The following RBFOX1 variants were observed in gnomAD, a reference collection of about 807,000 sequenced individuals.
RBFOX1 encodes RNA binding protein fox-1 homolog 1.
A neutral mutation model predicts 57.7 loss-of-function variants in RBFOX1; 8 were observed. That is an observed-to-expected ratio of 0.14 (90% CI 0.08 to 0.25). The LOEUF (loss-of-function observed/expected upper bound fraction) is 0.25, where lower values mean the gene tolerates loss of function less well. RBFOX1 is among the 10% of genes least tolerant of loss of function. RBFOX1 has a pLI of 1.00. For synonymous variants in RBFOX1, 326 were observed against 222.4 expected (o/e 1.47, Z -4.15); for missense variants, 611 against 548.5 (o/e 1.11, Z -1.14).
In RBFOX1 at chr16:6,882,365, T is replaced by C. The variant is rs568534279; in HGVS notation, c.-15-169692T>C. Among the ~76,000 whole-genome samples the C allele has an allele frequency of 6.6e-5, 10 of 152,188 alleles. No individual in the cohort carries two copies. In the East Asian group the frequency reaches 1.2e-3, roughly 18 times the overall value. The stretch of plus-strand genomic sequence containing the variant: ...AGCAGTGAGCAGTATAATTACAGTT[T>C]AGTCACCTAACCTCTCTGATTCTCT... On this transcript the variant is annotated intron_variant, in intron 3 of 15. Transcript: ENST00000550418.
rs1255858051 is a variant in RBFOX1 at position 5,621,379 on chromosome 16, A to T, written c.318+22418A>T. 3.3e-5 allele frequency among the ~76,000 whole-genome samples: 5 copies of T among 152,278 alleles called. No individual in the cohort carries two copies. In the East Asian group the frequency reaches 7.7e-4, roughly 24 times the overall value. ...CTGGGGGTCATGATTTCCACAAGTGAATTTTGGATGCACCCAGTGTAGGCC... is the reference window on the plus strand; with the variant it reads ...CTGGGGGTCATGATTTCCACAAGTGTATTTTGGATGCACCCAGTGTAGGCC... On this transcript the variant is annotated intron_variant, in intron 3 of 19. Coordinates refer to the RBFOX1 transcript ENST00000641259.
chr16:6,616,415 G>C (rs956350479), intron 2 of RBFOX1, among the ~76,000 whole-genome samples: 1 of 151,048 alleles, frequency 6.6e-6, no homozygotes, highest in Non-Finnish European at 1.5e-5. Flanking sequence ...GATGGCTCAC[G>C]CCTGTAATCC....
At chr16:5,502,631 C>T (rs1408117863) in intron 2 of RBFOX1, among the ~76,000 whole-genome samples, 2 of 152,188 alleles carry the variant, frequency 1.3e-5, no homozygotes, top group African/African-American at 4.8e-5. Flanking sequence ...CGCCTCCAGC[C>T]TCTGTTATCT....
At chr16:5,683,972 G>C (rs1355533179) in intron 3 of RBFOX1, among the ~76,000 whole-genome samples, 1 of 151,922 alleles carries the variant, frequency 6.6e-6, no homozygotes, top group Non-Finnish European at 1.5e-5. Context: ...TTCTCTGATG[G>C]TCAAGTGGCT....
chr16:7,112,606 A>G (rs1450918947), intron 4 of RBFOX1, among the ~76,000 whole-genome samples: 1 of 152,022 alleles, frequency 6.6e-6, no homozygotes. Flanking sequence ...TGGAAAATAA[A>G]TAATGGCTGA....
chr16:6,997,810 C>T (rs184560725), intron 3 of RBFOX1, among the ~76,000 whole-genome samples: 3 of 152,178 alleles, frequency 2.0e-5, no homozygotes, highest in East Asian at 3.9e-4. Flanking sequence ...GGGTTTCTTG[C>T]TCTGTTAGTG....
At chr16:5,783,297 C>T (rs572161847) in intron 3 of RBFOX1, among the ~76,000 whole-genome samples, 1 of 152,134 alleles carries the variant, frequency 6.6e-6, no homozygotes. Flanking sequence ...CTCTCTCCTC[C>T]CAGAAACTAT....
intron 9 of RBFOX1, among the ~76,000 whole-genome samples, chr16:7,598,539 A>C (rs1014270874): frequency 1.3e-5 from 2 of 152,194 alleles, no homozygotes; most frequent in African/African-American, 4.8e-5. Context: ...ACAAGTCTAA[A>C]ATATATTTTA....
At chr16:5,859,181 G>T (rs569775424) in intron 3 of RBFOX1, among the ~76,000 whole-genome samples, 1 of 152,242 alleles carries the variant, frequency 6.6e-6, no homozygotes, top group East Asian at 1.9e-4. Context: ...CTCCAGCCTG[G>T]GCGACACAGC....
At chr16:7,464,329 C>G (rs777372005) in intron 4 of RBFOX1, among the ~76,000 whole-genome samples, 3 of 152,100 alleles carry the variant, frequency 2.0e-5, no homozygotes, top group Non-Finnish European at 2.9e-5. Flanking sequence ...AAATGATCAC[C>G]ATCGCAGGTG....
Position 5,631,575 on chromosome 16 carries a change from T to A in RBFOX1, c.318+32614T>A, listed in dbSNP as rs1049630606. 2.6e-5 allele frequency among the ~76,000 whole-genome samples: 4 copies of A among 151,808 alleles called. No individual in the cohort carries two copies. In the South Asian group the frequency reaches 6.3e-4, roughly 24 times the overall value. On this transcript the variant is annotated intron_variant, in intron 3 of 19. Transcript: ENST00000641259. ...CATATTTAAAAAAAAAAAAAAAGTGTCTCTTCTATGTATCCATTACATTTT... is the reference window on the plus strand; with the variant it reads ...CATATTTAAAAAAAAAAAAAAAGTGACTCTTCTATGTATCCATTACATTTT...
intron 2 of RBFOX1, among the ~76,000 whole-genome samples, chr16:6,574,752 C>T (rs1190640023): frequency 6.9e-6 from 1 of 145,898 alleles, no homozygotes; most frequent in Admixed American, 6.8e-5. Context: ...GAACCAGCAA[C>T]CACGGGCTGG....
intron 4 of RBFOX1, among the ~76,000 whole-genome samples, chr16:7,161,740 C>G (rs554572550): frequency 6.6e-6 from 1 of 152,174 alleles, no homozygotes; most frequent in South Asian, 2.1e-4. Context: ...TATGACTCAT[C>G]TTTCTAGAAT....
intron 3 of RBFOX1, among the ~76,000 whole-genome samples, chr16:5,667,042 A>G (rs1209791282): frequency 6.6e-6 from 1 of 152,186 alleles, no homozygotes; most frequent in Non-Finnish European, 1.5e-5. Flanking sequence ...TTTGAGGTTG[A>G]TAAGATGCCT....
At chr16:6,964,263 C>T (rs1210056031) in intron 3 of RBFOX1, among the ~76,000 whole-genome samples, 3 of 152,102 alleles carry the variant, frequency 2.0e-5, no homozygotes, top group Non-Finnish European at 2.9e-5. Flanking sequence ...AAGTGATGCA[C>T]CCCCCTCGAC....
chr16:6,464,131 C>A (rs2094985458), intron 2 of RBFOX1, among the ~76,000 whole-genome samples: 1 of 152,254 alleles, frequency 6.6e-6, no homozygotes, highest in African/African-American at 2.4e-5. Context: ...CATTTAATTC[C>A]TGCATGTAAA....
intron 2 of RBFOX1, among the ~76,000 whole-genome samples, chr16:6,484,521 C>G (rs2095432817): frequency 6.6e-6 from 1 of 152,098 alleles, no homozygotes; most frequent in South Asian, 2.1e-4. Context: ...CTTGCCTTCT[C>G]AAGTGATGGA....
At chr16:7,287,707 C>T (rs1479542253) in intron 4 of RBFOX1, among the ~76,000 whole-genome samples, 1 of 152,280 alleles carries the variant, frequency 6.6e-6, no homozygotes, top group African/African-American at 2.4e-5. Context: ...TTGGGTGTTT[C>T]CTCAAAGCTT....
chr16:7,434,918 T>G (rs1567151904), intron 4 of RBFOX1, among the ~76,000 whole-genome samples: 1 of 152,182 alleles, frequency 6.6e-6, no homozygotes, highest in East Asian at 1.9e-4. Flanking sequence ...TTTTGTATTT[T>G]TAGTAGAGAT....
Sources: allele counts gnomAD v4.1 joint callset (sites outside exome capture counted in the v4.1 genomes callset), GRCh38; gene constraint gnomAD v4.1.1; transcripts MANE v1.5; gene names NCBI Gene and HGNC (gene_info 2026-07-23, HGNC 2026-07-21).